Variants in COL5A2 observed in about 807,000 individuals in gnomAD.
COL5A2 encodes the protein collagen type V alpha 2 chain, also known as collagen alpha-2(V) chain.
Under a neutral mutation model 208.2 loss-of-function variants are expected in COL5A2, and 23 were observed. The ratio of observed to expected loss-of-function variants is 0.11; its 90% CI spans 0.08 to 0.16. The LOEUF (loss-of-function observed/expected upper bound fraction) is 0.16, where lower values mean the gene tolerates loss of function less well. COL5A2 is among the 10% of genes least tolerant of loss of function. The probability of loss-of-function intolerance (pLI) is 1.00; values close to 1 mark genes in which losing one functional copy is unlikely to be tolerated. For synonymous variants in COL5A2, 625 were observed against 628.5 expected (o/e 0.99, Z 0.08); for missense variants, 1,590 against 1,956.4 (o/e 0.81, Z 3.53).
At chr2:189,364,893 T>C in the COL5A2 span, among the ~76,000 whole-genome samples, 2 of 152,182 alleles carry the variant, frequency 1.3e-5, no homozygotes, top group African/African-American at 2.4e-5. Flanking sequence ...GTTAATAATA[T>C]TGTATCAATA....
chr2:189,144,678 G>A (rs1464343030), intron 1 of COL5A2, among the ~76,000 whole-genome samples: 1 of 152,030 alleles, frequency 6.6e-6, no homozygotes, highest in South Asian at 2.1e-4. Flanking sequence ...AATGAACTGG[G>A]AAGATGATAA....
At chr2:189,258,293 A>G in the COL5A2 span, among the ~76,000 whole-genome samples, 1 of 152,172 alleles carries the variant, frequency 6.6e-6, no homozygotes, top group Non-Finnish European at 1.5e-5. Context: ...TAATGCTACA[A>G]ATTTTGGCAG....
the COL5A2 span, among the ~76,000 whole-genome samples, chr2:189,285,600 C>T: frequency 2.0e-5 from 3 of 152,074 alleles, no homozygotes; most frequent in African/African-American, 7.2e-5. Flanking sequence ...ACAGCTACCA[C>T]GGCAGAACAA....
At chr2:189,182,477 T>A (rs1688794182), upstream of COL5A2, among the ~76,000 whole-genome samples, 1 of 152,192 alleles carries the variant, frequency 6.6e-6, no homozygotes, top group Non-Finnish European at 1.5e-5. Context: ...TCACCCCTTT[T>A]TAGCTCTTTT....
chr2:189,062,969 G>C, intron 28 of COL5A2, 41 bp downstream of exon 28: 1 of 1,612,952 alleles, frequency 6.2e-7, no homozygotes, highest in Non-Finnish European at 8.5e-7. Flanking sequence ...AATTTAAATA[G>C]TACCTACATT....
At chr2:189,066,900 A>G (rs1171848532) in intron 21 of COL5A2, 118 bp from the exon 22 acceptor site, 1 of 777,020 alleles carries the variant, frequency 1.3e-6, no homozygotes, top group Non-Finnish European at 2.3e-6. Flanking sequence ...GTTTTGCATC[A>G]GTAGTATAAT....
intron 2 of COL5A2, among the ~76,000 whole-genome samples, chr2:189,108,575 A>G (rs1687196670): frequency 6.6e-6 from 1 of 151,878 alleles, no homozygotes; most frequent in South Asian, 2.1e-4. Flanking sequence ...ATTAAGTTAC[A>G]TATGTCTCTG....
chr2:189,267,354 T>C, the COL5A2 span, among the ~76,000 whole-genome samples: 3 of 152,172 alleles, frequency 2.0e-5, no homozygotes, highest in Non-Finnish European at 4.4e-5. Context: ...GTGTAATATG[T>C]AGTACTGGCA....
intron 1 of COL5A2, among the ~76,000 whole-genome samples, chr2:189,209,493 A>G (rs1689184857): frequency 6.6e-6 from 1 of 152,232 alleles, no homozygotes; most frequent in African/African-American, 2.4e-5. Flanking sequence ...TTTCCATTTT[A>G]TAGACCAGAA....
Position 189,110,356 on chromosome 2 carries a change from C to G in COL5A2, c.191G>C (p.Cys64Ser), listed in dbSNP as rs1243495822. Residue 64 changes from cysteine to serine, a missense_variant, in exon 2 of 54, where the codon TGT becomes TCT. Physicochemically the swap from Cys to Ser is moderately radical, Grantham distance 112. Transcript: ENST00000374866. Reference sequence around the variant, plus strand: ...GTCACAGAGAATGGCTCCATTGTCACAGACACAGATCTGACAAGGGGCAGG... The same window carrying G: ...GTCACAGAGAATGGCTCCATTGTCAGAGACACAGATCTGACAAGGGGCAGG... ...WKPAPCQICV[C>S]DNGAILCDKI... The G allele has an allele frequency of 6.2e-7, 1 of 1,614,056 alleles. No homozygotes were observed. Among genetic ancestry groups the G allele is most frequent in the African/African-American group, 1.3e-5 (1 of 74,920 alleles).
chr2:189,323,862 A>T, the COL5A2 span, among the ~76,000 whole-genome samples: 1 of 152,234 alleles, frequency 6.6e-6, no homozygotes, highest in African/African-American at 2.4e-5. Flanking sequence ...CTGCATTGCC[A>T]AGTCAATACT....
the COL5A2 span, among the ~76,000 whole-genome samples, chr2:189,367,785 T>A: frequency 6.6e-6 from 1 of 152,222 alleles, no homozygotes; most frequent in Non-Finnish European, 1.5e-5. Context: ...CAGAAAGAAT[T>A]CATATTGCCT....
chr2:189,386,002 A>G, the COL5A2 span, among the ~76,000 whole-genome samples: 2 of 152,210 alleles, frequency 1.3e-5, no homozygotes, highest in African/African-American at 4.8e-5. Context: ...CATGTCTTAC[A>G]TGGTGGCAGG....
At chr2:189,320,922 T>C in the COL5A2 span, among the ~76,000 whole-genome samples, 2 of 152,076 alleles carry the variant, frequency 1.3e-5, no homozygotes, top group Non-Finnish European at 2.9e-5. Flanking sequence ...GAGAGAAAGG[T>C]CGGGTTACCC....
At chr2:189,111,828 G>A (rs533862686) in intron 1 of COL5A2, among the ~76,000 whole-genome samples, 13 of 151,924 alleles carry the variant, frequency 8.6e-5, no homozygotes, top group African/African-American at 3.1e-4. Flanking sequence ...ATGAAAGTAA[G>A]GACTAGGCGT....
chr2:189,426,059 C>G, the COL5A2 span, among the ~76,000 whole-genome samples: 1 of 152,078 alleles, frequency 6.6e-6, no homozygotes, highest in African/African-American at 2.4e-5. Flanking sequence ...TATAAAGATA[C>G]CTGATAATGT....
In COL5A2 at chr2:189,072,078, G is replaced by T; in HGVS notation, c.1120C>A (p.Pro374Thr). 6.2e-7 allele frequency: 1 copy of T among 1,608,644 alleles called. No homozygotes were observed. Among genetic ancestry groups the T allele is most frequent in the East Asian group, 2.2e-5 (1 of 44,702 alleles). Residue 374 changes from proline to threonine, a missense_variant, in exon 18 of 54, where the codon CCA (proline) becomes ACA (threonine). Pro to Thr is a conservative substitution (Grantham distance 38). Coordinates refer to ENST00000374866, the MANE Select transcript of COL5A2 (RefSeq NM_000393.5). ...KPGPMGPLGI[P>T]GSSGFPGNPG... ...TTTCCTGGAAAACCAGAAGAGCCTGGTATCCCAAGAGGACCCTATTAAAAG... is the reference window on the plus strand; with the variant it reads ...TTTCCTGGAAAACCAGAAGAGCCTGTTATCCCAAGAGGACCCTATTAAAAG...
intron 1 of COL5A2, among the ~76,000 whole-genome samples, chr2:189,218,296 T>G (rs1056101214): frequency 3.3e-5 from 5 of 152,176 alleles, no homozygotes; most frequent in Admixed American, 6.5e-5. Context: ...CATACTGGAC[T>G]AAAGTAGACA....
the COL5A2 span, chr2:189,311,814 G>C: frequency 8.5e-7 from 1 of 1,175,344 alleles, no homozygotes; most frequent in Admixed American, 1.7e-5. Context: ...AAATGATCCT[G>C]AGATTTGGGG....
Sources: gnomAD v4.1 joint callset for allele counts (sites outside exome capture counted in the v4.1 genomes callset) on GRCh38, gnomAD v4.1.1 for gene constraint, MANE v1.5 for transcripts, NCBI Gene and HGNC (gene_info 2026-07-23, HGNC 2026-07-21) for gene names.